Variants in TCEANC2 observed in about 807,000 individuals in gnomAD.
TCEANC2 encodes transcription elongation factor A N-terminal and central domain-containing protein 2.
TCEANC2 carries 20 observed loss-of-function variants against 22.8 expected under a neutral mutation model. The observed-to-expected ratio is 0.88, with a 90% CI of 0.62 to 1.28. The LOEUF is 1.28. TCEANC2 is among the 50% of genes most tolerant of loss of function. The pLI, the probability that TCEANC2 is intolerant of heterozygous loss-of-function variation, is 0.00. For synonymous variants in TCEANC2, 84 were observed against 95.5 expected (o/e 0.88, Z 0.70); for missense variants, 251 against 249.7 (o/e 1.01, Z -0.03).
At chr1:54,077,265 CT>C (rs1006713760) in intron 3 of TCEANC2, among the ~76,000 whole-genome samples, 8 of 152,190 alleles carry the variant, frequency 5.3e-5, no homozygotes, top group African/African-American at 1.7e-4. Context: ...AAATCTTCCC[CT>C]TTAATTGTCT....
intron 3 of TCEANC2, among the ~76,000 whole-genome samples, chr1:54,075,166 T>C (rs529265310): frequency 3.3e-5 from 5 of 152,314 alleles, no homozygotes; most frequent in African/African-American, 1.2e-4. Flanking sequence ...TGCTGGGTGC[T>C]ACAGAATAAT....
chr1:54,056,139 A>G (rs1657747984), intron 2 of TCEANC2, among the ~76,000 whole-genome samples: 1 of 152,158 alleles, frequency 6.6e-6, no homozygotes, highest in African/African-American at 2.4e-5. Context: ...AACACATTCA[A>G]GGTTTTCAAC....
At chr1:54,108,227 G>A (rs1212600149), downstream of TCEANC2, among the ~76,000 whole-genome samples, 1 of 152,154 alleles carries the variant, frequency 6.6e-6, no homozygotes, top group Non-Finnish European at 1.5e-5. Context: ...TCCCAGTCCT[G>A]CTGACTTCTT....
chr1:54,105,651 G>T lies in TCEANC2; in HGVS notation c.*9178G>T, dbSNP rs1377506073. The stretch of plus-strand genomic sequence containing the variant: ...GCAAACTTTTTTTTTTTTTCGAGAC[G>T]GAGTCTCACTCCGTCACCAGGCTGG... On this transcript the variant is annotated 3_prime_UTR_variant, in exon 5 of 5. Transcript: ENST00000234827. 7.6e-6 allele frequency: 1 copy of T among 131,598 alleles called. No homozygotes were observed. Among genetic ancestry groups the T allele is most frequent in the East Asian group, 2.3e-4 (1 of 4,372 alleles). 8.2% of individuals were successfully genotyped at this position (131,598 alleles called of 1,614,324 possible).
intron 4 of TCEANC2, among the ~76,000 whole-genome samples, chr1:54,092,319 A>G (rs933861410): frequency 6.6e-6 from 1 of 152,232 alleles, no homozygotes; most frequent in Non-Finnish European, 1.5e-5. Flanking sequence ...GTCTGAAGTA[A>G]TGGTACTAGC....
intron 2 of TCEANC2, among the ~76,000 whole-genome samples, chr1:54,066,689 T>C (rs537679660): frequency 6.6e-6 from 1 of 152,324 alleles, no homozygotes; most frequent in African/African-American, 2.4e-5. Context: ...TATGTTTCAG[T>C]TTGGATAAAT....
intron 3 of TCEANC2, among the ~76,000 whole-genome samples, chr1:54,084,939 C>G (rs1658312665): frequency 6.6e-6 from 1 of 152,120 alleles, no homozygotes. Flanking sequence ...AGGAAAGTAT[C>G]CAGGGGTGCT....
chr1:54,059,705 C>T (rs1190799352), intron 2 of TCEANC2, among the ~76,000 whole-genome samples: 2 of 152,116 alleles, frequency 1.3e-5, no homozygotes, highest in Non-Finnish European at 1.5e-5. Flanking sequence ...TCCTGAGACC[C>T]GGGACTGTAA....
intron 2 of TCEANC2, among the ~76,000 whole-genome samples, chr1:54,061,916 C>T (rs1488202978): frequency 6.6e-6 from 1 of 152,172 alleles, no homozygotes. Flanking sequence ...ATGTAATGTC[C>T]ATTTAAGTGG....
chr1:54,086,626 A>C (rs575609680), intron 3 of TCEANC2, among the ~76,000 whole-genome samples: 33 of 152,322 alleles, frequency 2.2e-4, no homozygotes, highest in African/African-American at 7.7e-4. Flanking sequence ...GAAGATAGAA[A>C]GTAGGTAGGA....
intron 4 of TCEANC2, among the ~76,000 whole-genome samples, chr1:54,090,542 T>A (rs959862963): frequency 6.6e-6 from 1 of 152,240 alleles, no homozygotes; most frequent in African/African-American, 2.4e-5. Context: ...TGTCATTTTT[T>A]ATATCCTTTT....
downstream of TCEANC2, among the ~76,000 whole-genome samples, chr1:54,106,528 T>C (rs1658758144): frequency 6.6e-6 from 1 of 152,240 alleles, no homozygotes; most frequent in African/African-American, 2.4e-5. Flanking sequence ...AAATGTGGTA[T>C]GTATTTTACT....
chr1:54,072,658 G>A (rs1209559884), intron 3 of TCEANC2, among the ~76,000 whole-genome samples: 1 of 152,162 alleles, frequency 6.6e-6, no homozygotes, highest in African/African-American at 2.4e-5. Flanking sequence ...GACTCCCAAA[G>A]TGCTGGGATT....
At chr1:54,111,549 A>G (rs538803974) in exon 5 of TCEANC2, 44 of 152,262 alleles carry the variant, frequency 2.9e-4, no homozygotes, top group African/African-American at 1.0e-3. Flanking sequence ...CAACCTTCCC[A>G]CACCGGGCAG....
downstream of TCEANC2, among the ~76,000 whole-genome samples, chr1:54,110,727 A>G (rs1013765890): frequency 3.3e-5 from 5 of 152,188 alleles, no homozygotes. Flanking sequence ...GGCCTCTGGC[A>G]CCATCTCCAT....
chr1:54,074,462 C>CAA (rs573382502), intron 3 of TCEANC2, among the ~76,000 whole-genome samples: 7 of 138,012 alleles, frequency 5.1e-5, no homozygotes, highest in African/African-American at 1.6e-4. Flanking sequence ...GACTCCGTCT[C>CAA]AAAAAAAAAA....
At chr1:54,060,819 A>G (rs971590744) in intron 2 of TCEANC2, among the ~76,000 whole-genome samples, 1 of 151,918 alleles carries the variant, frequency 6.6e-6, no homozygotes, top group African/African-American at 2.4e-5. Flanking sequence ...GGGCGCCTGT[A>G]ATCCTAGCTA....
At position 54,101,104 on chromosome 1, in the gene TCEANC2, A is replaced by T. The variant is rs980430756; in HGVS notation, c.*4631A>T. ...AACAGGTAGCTGGCCTTTTTCATTT[A>T]TAGAATATCAGGTTCTTAAACTTGT... On this transcript the variant is annotated 3_prime_UTR_variant, in exon 5 of 5. Transcript: ENST00000234827. 70 of 152,182 alleles carry T rather than the reference A, an allele frequency of 4.6e-4. No individual in the cohort carries two copies. Among genetic ancestry groups the T allele is most frequent in the African/African-American group, 1.4e-3 (57 of 41,446 alleles). The allele number at this position is 152,182 out of a possible 1,614,324, so 9.4% of individuals were successfully genotyped here.
intron 4 of TCEANC2, among the ~76,000 whole-genome samples, chr1:54,089,670 A>T (rs1204751790): frequency 6.6e-6 from 1 of 152,238 alleles, no homozygotes; most frequent in East Asian, 1.9e-4. Context: ...CAGAAGTCTG[A>T]TTTAAATGCT....
Sources: allele counts gnomAD v4.1 joint callset (sites outside exome capture counted in the v4.1 genomes callset), GRCh38; gene constraint gnomAD v4.1.1; transcripts MANE v1.5; gene names NCBI Gene and HGNC (gene_info 2026-07-23, HGNC 2026-07-21).